The following MACF1 variants were observed in gnomAD, a reference collection of about 807,000 sequenced individuals.
MACF1 encodes the protein microtubule actin crosslinking factor 1, also known as microtubule-actin cross-linking factor 1.
Under a neutral mutation model 854.8 loss-of-function variants are expected in MACF1, and 193 were observed. The ratio of observed to expected loss-of-function variants is 0.23; its 90% CI spans 0.20 to 0.25. The LOEUF is 0.25. Ranked by LOEUF, MACF1 falls within the 10% of genes least tolerant of loss-of-function variation. MACF1 has a pLI of 1.00. For missense variants in MACF1, 7,722 were observed against 8,929.1 expected (o/e 0.86, Z 5.45); for synonymous variants, 3,185 against 3,226.7 (o/e 0.99, Z 0.44).
chr1:39,444,916 T>C, intron 80 of MACF1, 81 bp downstream of exon 80: 1 of 1,313,148 alleles, frequency 7.6e-7, no homozygotes, highest in South Asian at 1.5e-5. Flanking sequence ...TATATGAAGA[T>C]TTTTTGAAGA....
chr1:39,220,211 T>C (rs1478175260), intron 1 of MACF1, among the ~76,000 whole-genome samples: 3 of 152,142 alleles, frequency 2.0e-5, no homozygotes, highest in African/African-American at 7.2e-5. Flanking sequence ...AGTCTTGCTC[T>C]ATTGCCCAGG....
rs1013191487 is a variant in MACF1, at chr1:39,250,070, C to A, written c.228C>A (p.Ile76=). Residue 76 remains isoleucine (I), a synonymous_variant, in exon 3 of 101, where the codon ATC becomes ATA. Coordinates refer to ENST00000564288, the MANE Select transcript of MACF1 (RefSeq NM_001394062.1). ...YEDLRDGHNL[I]SLLEVLSGIK... ...ATCTGCGGGATGGCCATAACCTGATCTCTCTGTTGGAGGTCCTCTCAGGCA... is the reference window on the plus strand; with the variant it reads ...ATCTGCGGGATGGCCATAACCTGATATCTCTGTTGGAGGTCCTCTCAGGCA... 3 of 1,613,826 alleles carry A rather than the reference C, an allele frequency of 1.9e-6. No individual in the cohort carries two copies. Among genetic ancestry groups the A allele is most frequent in the African/African-American group, 2.7e-5 (2 of 75,042 alleles).
chr1:39,297,680 C>G lies in MACF1; in HGVS notation c.2416C>G (p.Arg806Gly). Residue 806 changes from arginine to glycine, a missense_variant, in exon 21 of 101, where the codon CGA becomes GGA. Coordinates refer to ENST00000564288, the MANE Select transcript of MACF1 (RefSeq NM_001394062.1). Reference protein sequence around the residue: ...FLRNLQDSIKRKYSCDHNTSL... With the variant: ...FLRNLQDSIKGKYSCDHNTSL... The stretch of plus-strand genomic sequence containing the variant: ...GAGGAACCTCCAAGATTCCATTAAA[C>G]GAAAATATTCCTGTGACCACAACAC... 2 of 1,614,150 alleles carry G rather than the reference C, an allele frequency of 1.2e-6. No individual in the cohort carries two copies. Among genetic ancestry groups the G allele is most frequent in the South Asian group, 1.1e-5 (1 of 91,078 alleles).
intron 2 of MACF1, among the ~76,000 whole-genome samples, chr1:39,141,624 G>A (rs1043318702): frequency 1.3e-5 from 2 of 152,186 alleles, no homozygotes; most frequent in Non-Finnish European, 2.9e-5. Context: ...TTGGTTTGTA[G>A]TAAGCATGCA....
intron 58 of MACF1, among the ~76,000 whole-genome samples, chr1:39,418,105 T>C (rs575504240): frequency 6.6e-6 from 1 of 152,350 alleles, no homozygotes; most frequent in Admixed American, 6.5e-5. Context: ...ATTGAAGATA[T>C]ATTTTGGAGG....
At chr1:39,166,046 G>T (rs1420281407) in intron 2 of MACF1, among the ~76,000 whole-genome samples, 1 of 150,018 alleles carries the variant, frequency 6.7e-6, no homozygotes, top group Admixed American at 6.8e-5. Flanking sequence ...ATATAGTTTA[G>T]TGGGGAGACT....
chr1:39,292,677 T>C (rs1348069948), intron 16 of MACF1, 89 bp from the exon 17 acceptor site: 2 of 899,820 alleles, frequency 2.2e-6, no homozygotes, highest in East Asian at 5.3e-5. Flanking sequence ...TATCTCTATC[T>C]AGACATAATA....
At chr1:39,291,477 T>C (rs546670605) in intron 15 of MACF1, among the ~76,000 whole-genome samples, 1 of 152,378 alleles carries the variant, frequency 6.6e-6, no homozygotes, top group African/African-American at 2.4e-5. Context: ...GTAACCTGTT[T>C]TAAAATTATC....
At chr1:39,224,367 GA>G (rs1255318275) in intron 1 of MACF1, among the ~76,000 whole-genome samples, 1 of 152,132 alleles carries the variant, frequency 6.6e-6, no homozygotes. Flanking sequence ...CAGAAGAGAA[GA>G]AACAACCAAA....
chr1:39,130,784 G>GCGGT (rs1428230717), intron 2 of MACF1, among the ~76,000 whole-genome samples: 1 of 152,006 alleles, frequency 6.6e-6, no homozygotes, highest in African/African-American at 2.4e-5. Context: ...TTCCCTAGAT[G>GCGGT]CTGTGGCTAA....
At chr1:39,303,707 A>C (rs1265849496) in intron 23 of MACF1, among the ~76,000 whole-genome samples, 1 of 151,444 alleles carries the variant, frequency 6.6e-6, no homozygotes, top group African/African-American at 2.4e-5. Context: ...CAAAAAAAAA[A>C]AAAAAAATTT....
At chr1:39,219,255 A>G (rs772010339) in intron 1 of MACF1, among the ~76,000 whole-genome samples, 4 of 152,192 alleles carry the variant, frequency 2.6e-5, no homozygotes, top group African/African-American at 7.2e-5. Flanking sequence ...ATTATATAGG[A>G]CTGCATTGTA....
At position 39,101,700 on chromosome 1, in the gene MACF1, T is replaced by C. The variant is rs112262043; in HGVS notation, c.220+17262T>C. Among the ~76,000 whole-genome samples the C allele has an allele frequency of 1.9e-3, 294 of 151,144 alleles. 2 individuals carry two copies. The highest frequency in any genetic ancestry group is 6.9e-3 in the African/African-American group (283 of 41,216). On this transcript the variant is annotated intron_variant, in intron 2 of 93. Transcript: ENST00000361689. ...TTAGCTGGGCATGGTGGCGGGCGCCTGTAGTCCCACCTACTCGGGAGGCTG... is the reference window on the plus strand; with the variant it reads ...TTAGCTGGGCATGGTGGCGGGCGCCCGTAGTCCCACCTACTCGGGAGGCTG...
At position 39,444,624 on chromosome 1, in the gene MACF1, A is replaced by T. The variant is rs759734918; in HGVS notation, c.19432-38A>T. ...TCTATATGTAGGTGTCTTCCAGAGAATTCGTAGAATTGATATCTTTCCTGC... is the reference window on the plus strand; with the variant it reads ...TCTATATGTAGGTGTCTTCCAGAGATTTCGTAGAATTGATATCTTTCCTGC... On this transcript the variant is annotated intron_variant, in intron 79 of 100. Transcript: ENST00000564288. The T allele has an allele frequency of 4.4e-6, 7 of 1,574,932 alleles. No homozygotes were observed. The African/African-American group carries it at 6.8e-5, about 15-fold the overall frequency.
chr1:39,119,351 C>G (rs1479867844), intron 2 of MACF1, among the ~76,000 whole-genome samples: 1 of 142,968 alleles, frequency 7.0e-6, no homozygotes, highest in East Asian at 2.0e-4. Flanking sequence ...ACCAGAAAAA[C>G]AAACAAGTGT....
At position 39,429,234 on chromosome 1, in the gene MACF1, C is replaced by G. The variant is rs1341736042; in HGVS notation, c.16804-8C>G. ...AGTTTCAGGATTAATGGTATTCTTT[C>G]CTTTCAGGCTTTAAATGAAGAAATT... On this transcript the variant is annotated splice_polypyrimidine_tract_variant and splice_region_variant and intron_variant, in intron 63 of 100. Transcript: ENST00000564288. 1 of 1,420,540 alleles carries G rather than the reference C, an allele frequency of 7.0e-7. No homozygotes were observed. Among genetic ancestry groups the G allele is most frequent in the African/African-American group, 1.4e-5 (1 of 70,862 alleles). The allele number at this position is 1,420,540 out of a possible 1,614,324, so 88.0% of individuals were successfully genotyped here.
intron 88 of MACF1, among the ~76,000 whole-genome samples, chr1:39,454,169 A>T (rs1407953326): frequency 6.6e-6 from 1 of 152,230 alleles, no homozygotes; most frequent in African/African-American, 2.4e-5. Flanking sequence ...GTCCACTTAT[A>T]TGCGGTTATT....
At chr1:39,443,061 G>A in intron 78 of MACF1, 150 bp downstream of exon 78, 1 of 745,882 alleles carries the variant, frequency 1.3e-6, no homozygotes, top group African/African-American at 1.8e-5. Context: ...TCTAGAAAGA[G>A]CAGCTTTTGA....
At chr1:39,363,183 T>G (rs946922932) in intron 49 of MACF1, among the ~76,000 whole-genome samples, 26 of 152,326 alleles carry the variant, frequency 1.7e-4, no homozygotes, top group Admixed American at 1.2e-3. Context: ...TGTATTCAAC[T>G]TTAGGACTTT....
Sources: allele counts gnomAD v4.1 joint callset (sites outside exome capture counted in the v4.1 genomes callset), GRCh38; gene constraint gnomAD v4.1.1; transcripts MANE v1.5; gene names NCBI Gene and HGNC (gene_info 2026-07-23, HGNC 2026-07-21).